Variants in DAB1 observed in about 807,000 individuals in gnomAD.
DAB1 encodes DAB adaptor protein 1.
In DAB1, 15 loss-of-function variants were observed where a neutral mutation model predicts 64.6. The ratio of observed to expected loss-of-function variants is 0.23; its 90% CI spans 0.16 to 0.36. The LOEUF is 0.36. Ranked by LOEUF, DAB1 falls within the 10% of genes least tolerant of loss-of-function variation. The pLI is 1.00. For missense variants in DAB1, 596 were observed against 706.7 expected (o/e 0.84, Z 1.78); for synonymous variants, 235 against 251.9 (o/e 0.93, Z 0.64).
chr1:57,669,151 C>T (rs4076379), intron 6 of DAB1, among the ~76,000 whole-genome samples: 42,063 of 151,936 alleles, frequency 0.28, 6,005 homozygotes, highest in Admixed American at 0.35. Context: ...TTTAAAGTAA[C>T]TGATGCACAG....
intron 6 of DAB1, among the ~76,000 whole-genome samples, chr1:57,683,257 T>G (rs1646657680): frequency 6.6e-6 from 1 of 152,180 alleles, no homozygotes; most frequent in East Asian, 1.9e-4. Context: ...ACGTGGTCTA[T>G]CTCCCTGCTG....
chr1:57,858,362 A>C (rs72666127), intron 1 of DAB1, among the ~76,000 whole-genome samples: 10,849 of 152,124 alleles, frequency 0.071, 621 homozygotes, highest in Admixed American at 0.2. Context: ...TCCTCCCTTA[A>C]TGGCAGGGAA....
At chr1:57,669,983 G>A (rs1297349733) in intron 6 of DAB1, among the ~76,000 whole-genome samples, 2 of 152,002 alleles carry the variant, frequency 1.3e-5, no homozygotes, top group Non-Finnish European at 2.9e-5. Flanking sequence ...CAAATATAAC[G>A]ATATTGGTAC....
chr1:57,096,409 C>G (rs938635002), intron 4 of DAB1, among the ~76,000 whole-genome samples: 7 of 152,132 alleles, frequency 4.6e-5, no homozygotes, highest in Non-Finnish European at 1.0e-4. Context: ...TTTAAACTCC[C>G]CCATTTCAAG....
chr1:58,308,473 G>A (rs1026306341), intron 4 of DAB1, among the ~76,000 whole-genome samples: 3 of 151,894 alleles, frequency 2.0e-5, no homozygotes, highest in East Asian at 3.9e-4. Flanking sequence ...TTTGTTCTCC[G>A]ACATTCTCCT....
intron 6 of DAB1, among the ~76,000 whole-genome samples, chr1:57,777,027 T>TA (rs1439807072): frequency 1.3e-5 from 2 of 151,108 alleles, no homozygotes; most frequent in African/African-American, 2.4e-5. Flanking sequence ...TCTATTTTTC[T>TA]AAAAAAATTC....
intron 5 of DAB1, among the ~76,000 whole-genome samples, chr1:57,999,980 G>C (rs1044225522): frequency 6.6e-6 from 1 of 150,570 alleles, no homozygotes; most frequent in African/African-American, 2.4e-5. Context: ...GGGGAGGAGG[G>C]AGAGAGAAAA....
At chr1:57,472,169 G>T (rs1440167542) in intron 7 of DAB1, among the ~76,000 whole-genome samples, 1 of 152,230 alleles carries the variant, frequency 6.6e-6, no homozygotes, top group African/African-American at 2.4e-5. Flanking sequence ...CTCCTAGCCC[G>T]GTTCTTTTCC....
chr1:57,730,025 G>A (rs1473630172), intron 6 of DAB1, among the ~76,000 whole-genome samples: 1 of 152,258 alleles, frequency 6.6e-6, no homozygotes, highest in Non-Finnish European at 1.5e-5. Flanking sequence ...GCCCAGGTCT[G>A]ATAGACATCA....
intron 4 of DAB1, among the ~76,000 whole-genome samples, chr1:57,088,699 C>T (rs1653339926): frequency 6.6e-6 from 1 of 152,320 alleles, no homozygotes; most frequent in African/African-American, 2.4e-5. Flanking sequence ...CTCATTCTCC[C>T]TTGAAACAGC....
chr1:57,909,759 C>T (rs538205568), intron 5 of DAB1, among the ~76,000 whole-genome samples: 1 of 152,220 alleles, frequency 6.6e-6, no homozygotes, highest in South Asian at 2.1e-4. Context: ...ATCTAAAAAG[C>T]AAATGTTAAT....
rs572629897 is a variant in DAB1, at chr1:57,719,033, T to C, written n.552-69368A>G. On this transcript the variant is annotated intron_variant and non_coding_transcript_variant, in intron 6 of 20. Coordinates refer to the DAB1 transcript ENST00000485760. ...AATTCTGCTTTCAGGCTGGAAATTA[T>C]GCATCAACAAAAATATAAATATAAT... Among the ~76,000 whole-genome samples the C allele has an allele frequency of 9.9e-5, 15 of 152,188 alleles. No homozygotes were observed. In the East Asian group the frequency reaches 2.7e-3, roughly 27 times the overall value.
intron 1 of DAB1, among the ~76,000 whole-genome samples, chr1:58,538,008 G>A (rs746542361): frequency 1.3e-5 from 2 of 152,278 alleles, no homozygotes; most frequent in East Asian, 1.9e-4. Context: ...CAGCTGTATC[G>A]CTTTTGGGTG....
At chr1:58,138,499 A>T (rs1004499577) in intron 5 of DAB1, among the ~76,000 whole-genome samples, 2 of 152,162 alleles carry the variant, frequency 1.3e-5, no homozygotes, top group Non-Finnish European at 2.9e-5. Context: ...AAAAGCACAC[A>T]AACAGGGAAG....
chr1:57,046,341 A>C (rs979390765), intron 9 of DAB1, among the ~76,000 whole-genome samples: 3 of 152,240 alleles, frequency 2.0e-5, no homozygotes, highest in African/African-American at 7.2e-5. Context: ...AGTCACTGCA[A>C]AAACAAGTTT....
chr1:57,475,170 AG>A (rs1366421561), intron 7 of DAB1, among the ~76,000 whole-genome samples: 1 of 152,158 alleles, frequency 6.6e-6, no homozygotes, highest in Non-Finnish European at 1.5e-5. Flanking sequence ...CCAGCTACTC[AG>A]GAGGCTGAGG....
At chr1:58,147,983 G>GAAAAAAAAAAA (rs58099365) in intron 5 of DAB1, among the ~76,000 whole-genome samples, 1 of 113,554 alleles carries the variant, frequency 8.8e-6, no homozygotes, top group Admixed American at 8.7e-5. Context: ...TATAGCTGGA[G>GAAAAAAAAAAA]AAAAAAAAAA....
At chr1:58,067,358 C>T (rs1467691724) in intron 5 of DAB1, among the ~76,000 whole-genome samples, 1 of 152,194 alleles carries the variant, frequency 6.6e-6, no homozygotes, top group Non-Finnish European at 1.5e-5. Context: ...TGATAAAGCA[C>T]GTTTGTTCTG....
intron 7 of DAB1, among the ~76,000 whole-genome samples, chr1:57,501,290 G>A (rs931371018): frequency 6.6e-6 from 1 of 152,200 alleles, no homozygotes; most frequent in Admixed American, 6.5e-5. Context: ...AAGCCATCAG[G>A]GAGAATGGAG....
Sources: allele counts gnomAD v4.1 joint callset (sites outside exome capture counted in the v4.1 genomes callset), GRCh38; gene constraint gnomAD v4.1.1; transcripts MANE v1.5; gene names NCBI Gene and HGNC (gene_info 2026-07-23, HGNC 2026-07-21).